The following MAP4K3 variants were observed in gnomAD, a reference collection of about 807,000 sequenced individuals.
The protein encoded by MAP4K3 is mitogen-activated protein kinase kinase kinase kinase 3.
In MAP4K3, 94 loss-of-function variants were observed where a neutral mutation model predicts 143.5. The ratio of observed to expected loss-of-function variants is 0.65; its 90% CI spans 0.55 to 0.78. MAP4K3 has a LOEUF of 0.78. Among genes scored for constraint, MAP4K3 ranks in the 30% least tolerant of loss-of-function variants. MAP4K3 has a pLI of 0.00. For missense variants in MAP4K3, 1,077 were observed against 1,068.1 expected (o/e 1.01, Z -0.12); for synonymous variants, 416 against 347.2 (o/e 1.20, Z -2.20).
At chr2:39,260,114 G>A (rs986934492) in intron 29 of MAP4K3, among the ~76,000 whole-genome samples, 24 of 152,128 alleles carry the variant, frequency 1.6e-4, no homozygotes, top group Non-Finnish European at 2.9e-4. Context: ...ATGTTTGCTT[G>A]ATTTAGTTGG....
intron 1 of MAP4K3, among the ~76,000 whole-genome samples, chr2:39,382,805 A>G (rs905129295): frequency 2.0e-5 from 3 of 152,234 alleles, no homozygotes; most frequent in African/African-American, 7.2e-5. Context: ...TTAAAGCACT[A>G]TGTTACTGAC....
rs890165534 is a variant in MAP4K3 at position 39,280,376 on chromosome 2, C to A, written c.1630-20G>T. On this transcript the variant is annotated intron_variant, in intron 22 of 33. Transcript: ENST00000263881. ...ACCCATCTAGGGAAACAAAGAATAACCAATATGAAACAGTGACAAGTAACA... is the reference window on the plus strand; with the variant it reads ...ACCCATCTAGGGAAACAAAGAATAAACAATATGAAACAGTGACAAGTAACA... The A allele has an allele frequency of 2.0e-6, 3 of 1,466,162 alleles. No homozygotes were observed. The highest frequency in any genetic ancestry group is 2.8e-6 in the Non-Finnish European group (3 of 1,054,204). The allele number at this position is 1,466,162 out of a possible 1,614,324, so 90.8% of individuals were successfully genotyped here.
At chr2:39,287,110 A>C in intron 20 of MAP4K3, 146 bp from the exon 21 acceptor site, 1 of 525,978 alleles carries the variant, frequency 1.9e-6, no homozygotes, top group Middle Eastern at 4.9e-4. Flanking sequence ...TTACTATGAA[A>C]GTAAGACGTC....
In MAP4K3 at chr2:39,421,368, ATTTTTTTTTT is replaced by A. The variant is rs59291407; in HGVS notation, c.96+15514_96+15523del. ...ACTTACTAGATTTATTGACTTGGGC[ATTTTTTTTTT>A]TTTTTTTTTTTTTGTAGAGACAGGG... On this transcript the variant is annotated intron_variant, in intron 1 of 33. Transcript: ENST00000263881. Among the ~76,000 whole-genome samples, 8 of 85,350 alleles carry A rather than the reference ATTTTTTTTTT, an allele frequency of 9.4e-5. No individual in the cohort carries two copies. The Middle Eastern group carries it at 0.027, about 287-fold the overall frequency. The allele number at this position is 85,350 out of a possible 152,430, so 56.0% of individuals were successfully genotyped here. A position where few individuals can be genotyped will look rare whatever the true frequency, so the allele number is the denominator to read the frequency against.
At chr2:39,419,612 T>C (rs1483091428) in intron 1 of MAP4K3, among the ~76,000 whole-genome samples, 1 of 152,202 alleles carries the variant, frequency 6.6e-6, no homozygotes, top group Non-Finnish European at 1.5e-5. Context: ...CACAGTTTAC[T>C]GGAGGAAATA....
At chr2:39,356,467 A>G in intron 2 of MAP4K3, 128 bp from the exon 3 acceptor site, 2 of 603,548 alleles carry the variant, frequency 3.3e-6, no homozygotes. Context: ...TAAATAAAAC[A>G]TAGCCAATAA....
intron 1 of MAP4K3, among the ~76,000 whole-genome samples, chr2:39,411,451 T>TTA (rs1421251691): frequency 8.5e-5 from 13 of 152,236 alleles, no homozygotes; most frequent in African/African-American, 3.1e-4. Context: ...CTTGTTTAGT[T>TTA]ATTAAATACT....
intron 2 of MAP4K3, among the ~76,000 whole-genome samples, chr2:39,366,240 C>A (rs561836399): frequency 8.4e-4 from 93 of 111,238 alleles, no homozygotes; most frequent in South Asian, 1.6e-3. Flanking sequence ...TTGGTTTGAT[C>A]TAGAAGGGTG....
Position 39,325,549 on chromosome 2 carries a change from G to A in MAP4K3, c.887C>T (p.Thr296Ile). 6.2e-7 allele frequency: 1 copy of A among 1,612,676 alleles called. No homozygotes were observed. The highest frequency in any genetic ancestry group is 8.5e-7 in the Non-Finnish European group (1 of 1,179,536). The change falls in exon 12 of 34, where the codon ACT becomes ATT. Residue 296 changes from threonine (T) to isoleucine (I), a missense_variant. By Grantham distance (89) the Thr-to-Ile change is moderately conservative. Transcript: ENST00000263881. The stretch of plus-strand genomic sequence containing the variant: ...ATCATCATCATCGAAATCATGGTAA[G>A]TGGAATGATCTGGATTATTTACTTT... ...LDKVNNPDHSTYHDFDDDDPE... is the reference protein window; with the variant it reads ...LDKVNNPDHSIYHDFDDDDPE...
rs140815507 is a variant in MAP4K3, at chr2:39,345,408, T to C, written c.246-1956A>G. ...CTCTGGCCTGGGTGACAGACCGAGATCTGAATCTTAAAGAAAACAAAAAAG... is the reference window on the plus strand; with the variant it reads ...CTCTGGCCTGGGTGACAGACCGAGACCTGAATCTTAAAGAAAACAAAAAAG... On this transcript the variant is annotated intron_variant, in intron 3 of 33. Transcript: ENST00000263881. Among the ~76,000 whole-genome samples, 66 of 152,018 alleles carry C rather than the reference T, an allele frequency of 4.3e-4. No individual in the cohort carries two copies. The East Asian group carries it at 0.012, about 27-fold the overall frequency.
At chr2:39,319,424 T>C (rs900099257) in intron 12 of MAP4K3, among the ~76,000 whole-genome samples, 8 of 152,138 alleles carry the variant, frequency 5.3e-5, no homozygotes, top group Non-Finnish European at 8.8e-5. Flanking sequence ...ACAAAACCCA[T>C]GTATACGGAG....
chr2:39,436,683 G>C (rs113080231), intron 1 of MAP4K3: 143 of 564,566 alleles, frequency 2.5e-4, no homozygotes, highest in African/African-American at 2.3e-3. Context: ...CACCGGGGGG[G>C]CTCAGGTAAG....
Position 39,272,508 on chromosome 2 carries a change from A to T in MAP4K3, c.1829T>A (p.Met610Lys). The T allele has an allele frequency of 6.2e-7, 1 of 1,613,600 alleles. No individual in the cohort carries two copies. The highest frequency in any genetic ancestry group is 1.1e-5 in the South Asian group (1 of 91,064). ...FPRRCTWLYV[M>K]NNCLLSISGK... ...AGATATTGATAGCAAGCAATTGTTC[A>T]TTACATACAACCATGTACACCTTCG... Residue 610 changes from methionine (M) to lysine (K), a missense_variant, in exon 25 of 34, where the codon ATG (methionine) becomes AAG (lysine). Transcript: ENST00000263881.
At position 39,331,987 on chromosome 2, in the gene MAP4K3, C is replaced by A; in HGVS notation, c.460G>T (p.Asp154Tyr). Reference sequence around the variant, plus strand: ...GTTATCTGTGCAGATACTCCAAAATCAGCTATTAAAAAAAATGAGAAACAT... The same window carrying A: ...GTTATCTGTGCAGATACTCCAAAATAAGCTATTAAAAAAAATGAGAAACAT... ...LTDNGHVKLADFGVSAQITAT... is the reference protein window; with the variant it reads ...LTDNGHVKLAYFGVSAQITAT... Residue 154 changes from aspartate to tyrosine, a missense_variant and splice_region_variant, in exon 8 of 34, where the codon GAT becomes TAT. Physicochemically the swap from Asp to Tyr is radical, Grantham distance 160. Transcript: ENST00000263881. 6.6e-7 allele frequency: 1 copy of A among 1,511,428 alleles called. No individual in the cohort carries two copies. The allele number at this position is 1,511,428 out of a possible 1,614,324, so 93.6% of individuals were successfully genotyped here.
intron 31 of MAP4K3, among the ~76,000 whole-genome samples, chr2:39,254,941 G>A (rs949017337): frequency 3.3e-5 from 5 of 152,094 alleles, no homozygotes; most frequent in South Asian, 2.1e-4. Context: ...AAAAATATAC[G>A]TGTATCCACC....
chr2:39,430,906 C>G (rs150660639), intron 1 of MAP4K3, among the ~76,000 whole-genome samples: 1 of 152,328 alleles, frequency 6.6e-6, no homozygotes, highest in Non-Finnish European at 1.5e-5. Context: ...TTCTCCCAGT[C>G]AGAAATAATG....
chr2:39,333,711 G>C lies in MAP4K3; in HGVS notation c.415-137C>G, dbSNP rs558368219. On this transcript the variant is annotated intron_variant, in intron 6 of 33. Transcript: ENST00000263881. ...TTAAAGTGTGCTTAATTAAAATGTC[G>C]TATCATTAGAGTCATAGGTAAATCT... 24 of 491,352 alleles carry C rather than the reference G, an allele frequency of 4.9e-5. No individual in the cohort carries two copies. In the South Asian group the frequency reaches 1.1e-3, roughly 23 times the overall value. The allele number at this position is 491,352 out of a possible 1,614,324, so 30.4% of individuals were successfully genotyped here. A position where few individuals can be genotyped will look rare whatever the true frequency, so the allele number is the denominator to read the frequency against.
intron 12 of MAP4K3, among the ~76,000 whole-genome samples, chr2:39,320,166 T>C (rs1683255271): frequency 6.6e-6 from 1 of 152,162 alleles, no homozygotes. Flanking sequence ...TGAATGTTCA[T>C]CGAGTTAAAT....
intron 2 of MAP4K3, among the ~76,000 whole-genome samples, chr2:39,365,555 C>T (rs1665899216): frequency 6.6e-6 from 1 of 150,676 alleles, no homozygotes; most frequent in South Asian, 2.1e-4. Flanking sequence ...CGCCATTCTC[C>T]TGCCTCAGCC....
Sources: allele counts gnomAD v4.1 joint callset (sites outside exome capture counted in the v4.1 genomes callset), GRCh38; gene constraint gnomAD v4.1.1; transcripts MANE v1.5; gene names NCBI Gene and HGNC (gene_info 2026-07-23, HGNC 2026-07-21).